RUVBL1: variants seen among roughly 807,000 people sequenced by gnomAD.
The protein encoded by RUVBL1 is ruvB-like 1.
RUVBL1 carries 4 observed loss-of-function variants against 52.4 expected under a neutral mutation model. That is an observed-to-expected ratio of 0.08 (90% CI 0.04 to 0.17). The LOEUF is 0.17. Among genes scored for constraint, RUVBL1 ranks in the 10% least tolerant of loss-of-function variants. RUVBL1 has a pLI of 1.00. For synonymous variants in RUVBL1, 217 were observed against 214.4 expected, an observed-to-expected ratio of 1.01 and a Z score of -0.10; for missense variants, 298 against 572.8, an observed-to-expected ratio of 0.52 and a Z score of 4.90.
chr3:128,100,453 C>T (rs981003166), intron 6 of RUVBL1, 142 bp downstream of exon 6: 13 of 904,968 alleles, frequency 1.4e-5, no homozygotes, highest in African/African-American at 1.0e-4. Context: ...TAGCTCATGT[C>T]GATGTTAATT....
At position 128,101,540 on chromosome 3, in the gene RUVBL1, G is replaced by T; in HGVS notation, c.603+19C>A. On this transcript the variant is annotated intron_variant, in intron 5 of 10. Transcript: ENST00000322623. ...GCAAACAAATCAGGGACAATGCTGT[G>T]TCCCAAGGAAGGCATTACCTTCACG... is the stretch of plus-strand genomic sequence containing the variant. 6.2e-7 allele frequency: 1 copy of T among 1,607,502 alleles called. No homozygotes were observed. Among genetic ancestry groups the T allele is most frequent in the Non-Finnish European group, 8.5e-7 (1 of 1,174,344 alleles).
In RUVBL1 at chr3:128,081,176, G is replaced by A; in HGVS notation, c.*74C>T. The A allele has an allele frequency of 6.6e-7, 1 of 1,523,050 alleles. No homozygotes were observed. Among genetic ancestry groups the A allele is most frequent in the Non-Finnish European group, 9.0e-7 (1 of 1,116,958 alleles). 94.3% of individuals were successfully genotyped at this position (1,523,050 alleles called of 1,614,324 possible). A position where few individuals can be genotyped will look rare whatever the true frequency, so the allele number is the denominator to read the frequency against. ...GTGGGGACGGCAGCCCCAAGCCCAG[G>A]GGCAAGCGCCCACAGGCTGGACCCA... On this transcript the variant is annotated 3_prime_UTR_variant, in exon 11 of 11. Coordinates refer to ENST00000322623, the MANE Select transcript of RUVBL1 (RefSeq NM_003707.3). This position sits in a 1 kb window ranked among gnomAD's most constrained non-coding sequence, Gnocchi z 4.8.
At chr3:128,087,548 G>A (rs1458154340) in intron 9 of RUVBL1, among the ~76,000 whole-genome samples, 158 bp downstream of exon 9, 4 of 152,204 alleles carry the variant, frequency 2.6e-5, no homozygotes, top group Non-Finnish European at 4.4e-5. Flanking sequence ...TGGGGAGACT[G>A]AGACTCTGGA....
intron 1 of RUVBL1, among the ~76,000 whole-genome samples, chr3:128,150,163 T>A (rs1193395541): frequency 1.3e-5 from 2 of 152,204 alleles, no homozygotes; most frequent in Non-Finnish European, 2.9e-5. Flanking sequence ...TCAGCCATGC[T>A]GCCTTATTTC....
At chr3:128,150,730 A>C (rs111211363) in intron 1 of RUVBL1, among the ~76,000 whole-genome samples, 2,167 of 117,392 alleles carry the variant, frequency 0.018, 63 homozygotes, top group African/African-American at 0.059. Context: ...TATATATTCT[A>C]TATATATTCT....
At chr3:128,097,701 C>G (rs999777673) in intron 7 of RUVBL1, among the ~76,000 whole-genome samples, 4 of 152,178 alleles carry the variant, frequency 2.6e-5, no homozygotes, top group Non-Finnish European at 5.9e-5. Flanking sequence ...TAAAAGGTCA[C>G]AAAATTGGCA....
At chr3:128,121,134 C>T (rs977587846) in intron 1 of RUVBL1, among the ~76,000 whole-genome samples, 1 of 151,986 alleles carries the variant, frequency 6.6e-6, no homozygotes, top group Non-Finnish European at 1.5e-5. Context: ...GTCTCGCTGT[C>T]ACCCGGGCTG....
chr3:128,084,807 G>C (rs1298261996), intron 9 of RUVBL1: 1 of 152,238 alleles, frequency 6.6e-6, no homozygotes, highest in Non-Finnish European at 1.5e-5. Flanking sequence ...AAAATGCTGA[G>C]GTTATCGCCT....
intron 3 of RUVBL1, among the ~76,000 whole-genome samples, chr3:128,109,343 C>T (rs1168074660): frequency 1.3e-5 from 2 of 152,030 alleles, no homozygotes; most frequent in South Asian, 2.1e-4. Flanking sequence ...GCCAGGAGTT[C>T]GAGACCACCT....
At chr3:128,076,237 G>A (rs892221037), downstream of RUVBL1, among the ~76,000 whole-genome samples, 1 of 152,246 alleles carries the variant, frequency 6.6e-6, no homozygotes, top group Non-Finnish European at 1.5e-5. The surrounding 1 kb of genome is among the most constrained non-coding windows in gnomAD (Gnocchi z 6.8). Context: ...GTGGGAAGCC[G>A]GCTCTTGCCC....
chr3:128,093,827 C>G (rs1438007305), intron 8 of RUVBL1, among the ~76,000 whole-genome samples: 1 of 152,118 alleles, frequency 6.6e-6, no homozygotes, highest in Non-Finnish European at 1.5e-5. Context: ...CCAGAAGGAG[C>G]CTGGAGCATC....
At chr3:128,108,935 C>T (rs1046562301) in intron 3 of RUVBL1, among the ~76,000 whole-genome samples, 1 of 152,134 alleles carries the variant, frequency 6.6e-6, no homozygotes, top group African/African-American at 2.4e-5. Flanking sequence ...GATATAGACG[C>T]TGAGCTAAAG....
In RUVBL1 at chr3:128,144,189, C is replaced by T. The variant is rs532026514; in HGVS notation, c.-40+9014G>A. Reference sequence around the variant, plus strand: ...GGCACATGGTTAACACAATTACTGGCGAGGTAGATACCCTCAGAGAAAAGG... The same window carrying T: ...GGCACATGGTTAACACAATTACTGGTGAGGTAGATACCCTCAGAGAAAAGG... On this transcript the variant is annotated intron_variant, in intron 1 of 9. Coordinates refer to the RUVBL1 transcript ENST00000464873. Among the ~76,000 whole-genome samples, 33 of 152,210 alleles carry T rather than the reference C, an allele frequency of 2.2e-4. 1 individual carries two copies. In the South Asian group the frequency reaches 5.2e-3, roughly 24 times the overall value.
intron 1 of RUVBL1, among the ~76,000 whole-genome samples, chr3:128,142,179 T>C (rs1944034428): frequency 6.6e-6 from 1 of 152,158 alleles, no homozygotes; most frequent in African/African-American, 2.4e-5. Context: ...CCTGGCCACA[T>C]CCGCTGACTC....
intron 8 of RUVBL1, among the ~76,000 whole-genome samples, chr3:128,090,443 C>T (rs997368610): frequency 6.6e-5 from 10 of 152,100 alleles, no homozygotes; most frequent in East Asian, 3.9e-4. Flanking sequence ...GGCGTGAACC[C>T]GGGAGGCGGA....
At chr3:128,149,395 G>A (rs1026382961) in intron 1 of RUVBL1, among the ~76,000 whole-genome samples, 1 of 152,086 alleles carries the variant, frequency 6.6e-6, no homozygotes, top group Non-Finnish European at 1.5e-5. Context: ...ATGTTGGCCA[G>A]GCTGGTCCTG....
At chr3:128,147,186 C>T (rs1393411693) in intron 1 of RUVBL1, among the ~76,000 whole-genome samples, 1 of 152,158 alleles carries the variant, frequency 6.6e-6, no homozygotes, top group African/African-American at 2.4e-5. Flanking sequence ...CCGCGCACCT[C>T]AGCCTCTTGA....
At chr3:128,099,578 C>T (rs950523643) in intron 6 of RUVBL1, among the ~76,000 whole-genome samples, 1 of 152,228 alleles carries the variant, frequency 6.6e-6, no homozygotes, top group Non-Finnish European at 1.5e-5. Flanking sequence ...AACAGGTTCA[C>T]CACTCACCTG....
chr3:128,074,081 C>T (rs886662201), intron 9 of RUVBL1, among the ~76,000 whole-genome samples: 1 of 152,098 alleles, frequency 6.6e-6, no homozygotes, highest in African/African-American at 2.4e-5. Flanking sequence ...ATACACTTAC[C>T]CTACACCCAG....
Sources: gnomAD v4.1 joint callset for allele counts (sites outside exome capture counted in the v4.1 genomes callset) on GRCh38, gnomAD v4.1.1 for gene constraint, Gnocchi (gnomAD v3.1) non-coding constraint, MANE v1.5 for transcripts, NCBI Gene and HGNC (gene_info 2026-07-23, HGNC 2026-07-21) for gene names.